The following TRIM33 variants were observed in gnomAD, a reference collection of about 807,000 sequenced individuals.
TRIM33 encodes the protein tripartite motif containing 33.
Under a neutral mutation model 125.4 loss-of-function variants are expected in TRIM33, and 20 were observed. That is an observed-to-expected ratio of 0.16 (90% confidence interval 0.11 to 0.23). TRIM33 has a LOEUF of 0.23. Ranked by LOEUF, TRIM33 falls within the 10% of genes least tolerant of loss-of-function variation. TRIM33 has a pLI of 1.00. For synonymous variants in TRIM33, 564 were observed against 513.9 expected, an observed-to-expected ratio of 1.10 and a Z score of -1.32; for missense variants, 920 against 1,411.4, an observed-to-expected ratio of 0.65 and a Z score of 5.58.
intron 1 of TRIM33, among the ~76,000 whole-genome samples, chr1:114,497,517 TCTCCAA>T (rs1464377444): frequency 1.3e-5 from 2 of 151,836 alleles, no homozygotes; most frequent in East Asian, 3.9e-4. Flanking sequence ...GCGAGGCTTG[TCTCCAA>T]CTCCTGACCT....
chr1:114,416,610 A>G (rs761333571), intron 11 of TRIM33, among the ~76,000 whole-genome samples: 2 of 152,212 alleles, frequency 1.3e-5, no homozygotes, highest in African/African-American at 2.4e-5. Flanking sequence ...AATATATCTC[A>G]TATCTACACA....
intron 1 of TRIM33, among the ~76,000 whole-genome samples, chr1:114,483,819 C>T (rs1651502314): frequency 6.6e-6 from 1 of 152,074 alleles, no homozygotes; most frequent in Admixed American, 6.5e-5. Flanking sequence ...GCCAATATCA[C>T]CCTGTTACCA....
chr1:114,461,218 ATAT>A (rs1649965697), intron 4 of TRIM33, among the ~76,000 whole-genome samples: 2 of 44,558 alleles, frequency 4.5e-5, no homozygotes, highest in Admixed American at 2.0e-4. Context: ...CTTTAAAAAT[ATAT>A]ATATATATAT....
At chr1:114,422,699 G>A (rs150720245) in intron 10 of TRIM33, among the ~76,000 whole-genome samples, 2 of 151,126 alleles carry the variant, frequency 1.3e-5, no homozygotes, top group East Asian at 1.9e-4. Flanking sequence ...TGGAAATAAC[G>A]ATGTTGGGTG....
intron 11 of TRIM33, among the ~76,000 whole-genome samples, chr1:114,413,235 C>A (rs1210404959): frequency 6.6e-6 from 1 of 152,024 alleles, no homozygotes; most frequent in Non-Finnish European, 1.5e-5. Flanking sequence ...TGGATTAAAA[C>A]ACAAGAAAGC....
chr1:114,406,101 A>G (rs1253470968), intron 14 of TRIM33, among the ~76,000 whole-genome samples: 1 of 152,212 alleles, frequency 6.6e-6, no homozygotes, highest in Non-Finnish European at 1.5e-5. Context: ...AATCTTTTGC[A>G]TAGCATTTTA....
Position 114,402,897 on chromosome 1 carries a change from T to C in TRIM33, c.2769-14A>G, listed in dbSNP as rs1320308142. ...ATCCAGTCCCCACTAGACAGGGAAA[T>C]AGGCAATTAGTCCACGTAATTATAA... On this transcript the variant is annotated splice_polypyrimidine_tract_variant and intron_variant, in intron 15 of 19. Coordinates refer to ENST00000358465, the MANE Select transcript of TRIM33 (RefSeq NM_015906.4). 7 of 1,605,392 alleles carry C rather than the reference T, an allele frequency of 4.4e-6. No individual in the cohort carries two copies. The highest frequency in any genetic ancestry group is 1.3e-5 in the African/African-American group (1 of 74,538).
chr1:114,412,103 T>C (rs79917407), intron 11 of TRIM33, among the ~76,000 whole-genome samples: 2,072 of 152,322 alleles, frequency 0.014, 44 homozygotes, highest in African/African-American at 0.046. Context: ...ATAATGTCAT[T>C]TTAATCCATC....
chr1:114,432,463 G>A (rs1648019415), intron 5 of TRIM33, among the ~76,000 whole-genome samples: 4 of 152,070 alleles, frequency 2.6e-5, no homozygotes, highest in African/African-American at 9.7e-5. Context: ...GCTCTAAGGA[G>A]CCTTTTATTT....
chr1:114,444,380 G>A (rs1389298895), intron 4 of TRIM33, among the ~76,000 whole-genome samples: 1 of 152,182 alleles, frequency 6.6e-6, no homozygotes, highest in Non-Finnish European at 1.5e-5. Context: ...AAGAACTAGA[G>A]GTCATGGATT....
intron 1 of TRIM33, among the ~76,000 whole-genome samples, chr1:114,496,723 A>G (rs1239247214): frequency 3.9e-5 from 6 of 152,242 alleles, no homozygotes; most frequent in Non-Finnish European, 2.9e-5. Context: ...TTAACTCACC[A>G]CAGGTGAAGA....
rs373805292 is a variant in TRIM33 at position 114,498,563 on chromosome 1, C to T, written c.526+11988G>A. Among the ~76,000 whole-genome samples the T allele has an allele frequency of 1.3e-4, 20 of 152,094 alleles. No individual in the cohort carries two copies. In the East Asian group the frequency reaches 3.3e-3, roughly 25 times the overall value. The stretch of plus-strand genomic sequence containing the variant: ...CCTCAGCAGGCTGAGGTAGAAGAAT[C>T]GCTTGACCCAGGGAGGCAGAGGTTG... On this transcript the variant is annotated intron_variant, in intron 1 of 19. Coordinates refer to ENST00000358465, the MANE Select transcript of TRIM33 (RefSeq NM_015906.4).
chr1:114,410,896 G>C (rs887130841), intron 11 of TRIM33, among the ~76,000 whole-genome samples: 1 of 152,070 alleles, frequency 6.6e-6, no homozygotes, highest in Non-Finnish European at 1.5e-5. Context: ...CTGAACGTCA[G>C]TTTCCTATCC....
At chr1:114,485,188 C>T (rs768946646) in intron 1 of TRIM33, among the ~76,000 whole-genome samples, 6 of 151,946 alleles carry the variant, frequency 3.9e-5, no homozygotes, top group Non-Finnish European at 8.8e-5. Flanking sequence ...CATAATCTCA[C>T]GACTATAATC....
intron 4 of TRIM33, among the ~76,000 whole-genome samples, chr1:114,458,912 A>G (rs1181433392): frequency 6.6e-6 from 1 of 152,186 alleles, no homozygotes; most frequent in African/African-American, 2.4e-5. Context: ...AGTAGGGAGA[A>G]TAGTTGTAAA....
At chr1:114,486,150 C>A (rs534478871) in intron 1 of TRIM33, among the ~76,000 whole-genome samples, 2 of 152,120 alleles carry the variant, frequency 1.3e-5, no homozygotes, top group South Asian at 4.2e-4. Context: ...GTGGCACACA[C>A]CTGTAGTCCC....
intron 11 of TRIM33, among the ~76,000 whole-genome samples, chr1:114,417,082 G>C (rs1290527393): frequency 4.6e-5 from 7 of 152,128 alleles, no homozygotes; most frequent in Non-Finnish European, 8.8e-5. Flanking sequence ...AACATGGATA[G>C]ACCTGGAAAA....
chr1:114,425,863 T>C (rs1441633067), intron 8 of TRIM33, 140 bp from the exon 9 acceptor site: 4 of 623,260 alleles, frequency 6.4e-6, no homozygotes, highest in African/African-American at 5.5e-5. Flanking sequence ...ATGGAGTCAG[T>C]TTAAAGATGA....
Position 114,461,235 on chromosome 1 carries a change from T to TATAC in TRIM33, c.923+1868_923+1869insGTAT, listed in dbSNP as rs1491544554. 6.3e-5 allele frequency among the ~76,000 whole-genome samples: 9 copies of TATAC among 142,090 alleles called. No individual in the cohort carries two copies. In the South Asian group the frequency reaches 8.9e-4, roughly 14 times the overall value. The allele number at this position is 142,090 out of a possible 152,430, so 93.2% of individuals were successfully genotyped here. A position where few individuals can be genotyped will look rare whatever the true frequency, so the allele number is the denominator to read the frequency against. On this transcript the variant is annotated intron_variant, in intron 4 of 19. Coordinates refer to ENST00000358465, the MANE Select transcript of TRIM33 (RefSeq NM_015906.4). ...TTAAAAATATATATATATATATATATACATATATTTATATTTTATATTTTA... is the reference window on the plus strand; with the variant it reads ...TTAAAAATATATATATATATATATATATACACATATATTTATATTTTATATTTTA...
Sources: allele counts gnomAD v4.1 joint callset (sites outside exome capture counted in the v4.1 genomes callset), GRCh38; gene constraint gnomAD v4.1.1; transcripts MANE v1.5; gene names NCBI Gene and HGNC (gene_info 2026-07-23, HGNC 2026-07-21).